The following ZNF479 variants were observed in gnomAD, a reference collection of about 807,000 sequenced individuals.
ZNF479 encodes the protein KRAB zinc finger protein KR19.
A neutral mutation model predicts 14.7 loss-of-function variants in ZNF479; 15 were observed. The observed-to-expected ratio is 1.02, with a 90% CI of 0.68 to 1.57. ZNF479 has a LOEUF of 1.57. Among genes scored for constraint, ZNF479 ranks in the 40% most tolerant of loss-of-function variants. The pLI is 0.00. For missense variants in ZNF479, 506 were observed against 615.1 expected, an observed-to-expected ratio of 0.82 and a Z score of 1.88; for synonymous variants, 145 against 211.5, an observed-to-expected ratio of 0.69 and a Z score of 2.73.
In ZNF479 at chr7:57,122,762, G is replaced by A. The variant is rs1339646622; in HGVS notation, c.263-1610C>T. 5.3e-5 allele frequency among the ~76,000 whole-genome samples: 8 copies of A among 152,038 alleles called. No individual in the cohort carries two copies. The South Asian group carries it at 6.2e-4, about 12-fold the overall frequency. On this transcript the variant is annotated intron_variant, in intron 3 of 3. Coordinates refer to ENST00000319636, the MANE Select transcript of ZNF479 (RefSeq NM_001370129.2). ...ATAGACACATGAAAGCAAATGAGTC[G>A]ATTACTAGAATGAGACAAAGATTGA...
At chr7:57,122,752 C>A (rs138509173) in intron 3 of ZNF479, among the ~76,000 whole-genome samples, 1 of 152,118 alleles carries the variant, frequency 6.6e-6, no homozygotes, top group East Asian at 1.9e-4. Context: ...CACATGAAAG[C>A]AAATGAGTCG....
At chr7:57,125,694 C>A (rs183856582) in intron 3 of ZNF479, among the ~76,000 whole-genome samples, 43 of 151,952 alleles carry the variant, frequency 2.8e-4, no homozygotes, top group Non-Finnish European at 5.4e-4. Flanking sequence ...TAGAGTTTTT[C>A]AAAAATATGC....
In ZNF479 at chr7:57,120,067, A is replaced by T; in HGVS notation, c.1348T>A (p.Ser450Thr). The part of the protein sequence containing the change: ...EECGKAFSLS[S>T]TLTDHKRIHT... ...ATTCTCTTGTGGTCAGTGAGGGTTG[A>T]GGATAAGCTAAAGGCTTTGCCACAT... Residue 450 changes from serine (S) to threonine (T), a missense_variant, in exon 4 of 4, where the codon TCA becomes ACA. By Grantham distance (58) the Ser-to-Thr change is moderately conservative. Transcript: ENST00000319636. 6.2e-7 allele frequency: 1 copy of T among 1,613,814 alleles called. No individual in the cohort carries two copies.
At chr7:57,134,866 G>T (rs1402394666), upstream of ZNF479, among the ~76,000 whole-genome samples, 1 of 151,786 alleles carries the variant, frequency 6.6e-6, no homozygotes, top group Non-Finnish European at 1.5e-5. Flanking sequence ...GTAGAGATGG[G>T]GTTTCACCAT....
At chr7:57,128,748 A>C (rs1188400403) in intron 1 of ZNF479, among the ~76,000 whole-genome samples, 1 of 152,244 alleles carries the variant, frequency 6.6e-6, no homozygotes, top group Non-Finnish European at 1.5e-5. Context: ...CAAACTCATT[A>C]GGGATCAACA....
Position 57,126,593 on chromosome 7 carries a change from C to T in ZNF479, c.165G>A (p.Leu55=). The change falls in exon 2 of 4, where the codon CTG becomes CTA. Residue 55 remains leucine, a splice_region_variant and synonymous_variant. Coordinates refer to ENST00000319636, the MANE Select transcript of ZNF479 (RefSeq NM_001370129.2). ...MLENYRNLVS[L]GIAVSKPDLI... is the part of the protein sequence containing the mutation. ...ATTATGTACTGAAGTTATCCTCACCCAGGGAGACCAGGTTTCTGTAGTTCT... is the reference window on the plus strand; with the variant it reads ...ATTATGTACTGAAGTTATCCTCACCTAGGGAGACCAGGTTTCTGTAGTTCT... 4 of 1,612,882 alleles carry T rather than the reference C, an allele frequency of 2.5e-6. No individual in the cohort carries two copies. The highest frequency in any genetic ancestry group is 3.4e-6 in the Non-Finnish European group (4 of 1,179,698).
upstream of ZNF479, among the ~76,000 whole-genome samples, chr7:57,136,113 G>T (rs1370582974): frequency 1.3e-5 from 2 of 151,888 alleles, no homozygotes; most frequent in Non-Finnish European, 2.9e-5. Context: ...GCCAGGCATG[G>T]TGACTCACGC....
At chr7:57,127,267 C>A (rs1786215906) in intron 1 of ZNF479, among the ~76,000 whole-genome samples, 1 of 152,122 alleles carries the variant, frequency 6.6e-6, no homozygotes, top group African/African-American at 2.4e-5. Flanking sequence ...AGGTGATCCA[C>A]CCACCTCAGC....
upstream of ZNF479, among the ~76,000 whole-genome samples, chr7:57,136,365 C>T (rs192591355): frequency 1.1e-4 from 17 of 151,112 alleles, no homozygotes; most frequent in African/African-American, 3.9e-4. Context: ...GCCTGGGAGA[C>T]AGAGCAAGAC....
rs782101982 is a variant in ZNF479, at chr7:57,120,791, A to G, written c.624T>C (p.Thr208=). 4 of 1,612,192 alleles carry G rather than the reference A, an allele frequency of 2.5e-6. No individual in the cohort carries two copies. Among genetic ancestry groups the G allele is most frequent in the Non-Finnish European group, 2.5e-6 (3 of 1,179,018 alleles). ...CTTTGCATTTGTAGGACTTCTCCCT[A>G]GTATGAATTACCTGATGTTGATTTA... ...SHLNQHQVIH[T]REKSYKCKEC... is the part of the protein sequence containing the mutation. The change falls in exon 4 of 4, where the codon ACT becomes ACC. Residue 208 remains threonine, a synonymous_variant. Transcript: ENST00000319636.
Position 57,120,247 on chromosome 7 carries a change from A to C in ZNF479, c.1168T>G (p.Phe390Val), listed in dbSNP as rs1554399956. Reference sequence around the variant, plus strand: ...ATAGTAAGTGCTGAGGAGCGCCTAAAGTCTTGGCCACATTCTTCACATGTG... The same window carrying C: ...ATAGTAAGTGCTGAGGAGCGCCTAACGTCTTGGCCACATTCTTCACATGTG... ...PYTCEECGQD[F>V]RRSSALTIHK... The change falls in exon 4 of 4, where the codon TTT becomes GTT. Residue 390 changes from phenylalanine (F) to valine (V), a missense_variant. Phe to Val is a conservative substitution (Grantham distance 50). Transcript: ENST00000319636. The C allele has an allele frequency of 6.2e-7, 1 of 1,612,510 alleles. No individual in the cohort carries two copies. Among genetic ancestry groups the C allele is most frequent in the Non-Finnish European group, 8.5e-7 (1 of 1,179,634 alleles).
intron 1 of ZNF479, among the ~76,000 whole-genome samples, chr7:57,138,807 A>G (rs983286946): frequency 2.0e-5 from 3 of 152,162 alleles, no homozygotes; most frequent in African/African-American, 4.8e-5. Flanking sequence ...TGTCACCTTT[A>G]TATAGGGAGA....
At chr7:57,134,382 T>C (rs924503683), upstream of ZNF479, among the ~76,000 whole-genome samples, 1 of 152,156 alleles carries the variant, frequency 6.6e-6, no homozygotes, top group Non-Finnish European at 1.5e-5. Context: ...ACCAGCGCCA[T>C]GACAGTTAAC....
At position 57,128,340 on chromosome 7, in the gene ZNF479, T is replaced by C. The variant is rs141837627; in HGVS notation, c.40-1622A>G. On this transcript the variant is annotated intron_variant, in intron 1 of 3. Coordinates refer to ENST00000319636, the MANE Select transcript of ZNF479 (RefSeq NM_001370129.2). ...TCAGTAATTTTAAGTAGTCTTTCCTTAGCACCCTGGAAAGCAAGTATCTCC... is the reference window on the plus strand; with the variant it reads ...TCAGTAATTTTAAGTAGTCTTTCCTCAGCACCCTGGAAAGCAAGTATCTCC... 1.4e-3 allele frequency among the ~76,000 whole-genome samples: 213 copies of C among 152,320 alleles called. 1 individual carries two copies. The highest frequency in any genetic ancestry group is 4.6e-3 in the African/African-American group (193 of 41,582).
chr7:57,134,823 C>T (rs1163503515), upstream of ZNF479, among the ~76,000 whole-genome samples: 16 of 151,912 alleles, frequency 1.1e-4, no homozygotes, highest in African/African-American at 3.4e-4. Flanking sequence ...TACAGGCATG[C>T]GCCACCATGC....
rs782564375 is a variant in ZNF479 at position 57,120,576 on chromosome 7, C to T, written c.839G>A (p.Arg280His). 2.0e-5 allele frequency: 32 copies of T among 1,611,252 alleles called. No individual in the cohort carries two copies. The highest frequency in any genetic ancestry group is 1.7e-4 in the Middle Eastern group (1 of 6,050). Reference sequence around the variant, plus strand: ...CTTGTGGTTAGTAAGTGCTGAGGAGCGCCTAAAGGCTTGGCCACATTCTTC... The same window carrying T: ...CTTGTGGTTAGTAAGTGCTGAGGAGTGCCTAAAGGCTTGGCCACATTCTTC... ...TCEECGQAFR[R>H]SSALTNHKRI... The change falls in exon 4 of 4, where the codon CGC becomes CAC. Residue 280 changes from arginine (R) to histidine (H), a missense_variant. Transcript: ENST00000319636.
Position 57,119,809 on chromosome 7 carries a change from A to AT in ZNF479, c.*30dup. The AT allele has an allele frequency of 1.3e-6, 2 of 1,563,942 alleles. No homozygotes were observed. The highest frequency in any genetic ancestry group is 1.7e-6 in the Non-Finnish European group (2 of 1,147,070). ...TTTTCCAGTGTAAATTATTTTATGT[A>AT]TTATAAGGCCTGAGGGTGGACTTTG... On this transcript the variant is annotated 3_prime_UTR_variant, in exon 4 of 4. Transcript: ENST00000319636.
chr7:57,119,296 A>G lies in ZNF479; in HGVS notation c.*544T>C, dbSNP rs1785800260. ...GATCAGATAATATGTAAGGCCTGAG[A>G]TGTGCTTAAAGGTTTTGTCACTTTT... On this transcript the variant is annotated 3_prime_UTR_variant, in exon 4 of 4. Coordinates refer to ENST00000319636, the MANE Select transcript of ZNF479 (RefSeq NM_001370129.2). 2.6e-5 allele frequency among the ~76,000 whole-genome samples: 4 copies of G among 152,174 alleles called. No individual in the cohort carries two copies. Among genetic ancestry groups the G allele is most frequent in the Admixed American group, 2.0e-4 (3 of 15,276 alleles).
At chr7:57,125,664 A>C (rs1269745200) in intron 3 of ZNF479, among the ~76,000 whole-genome samples, 2 of 27,534 alleles carry the variant, frequency 7.3e-5, no homozygotes, top group African/African-American at 1.2e-4. Flanking sequence ...GACATGATGC[A>C]AAAAAAAATT....
Sources: gnomAD v4.1 joint callset for allele counts (sites outside exome capture counted in the v4.1 genomes callset) on GRCh38, gnomAD v4.1.1 for gene constraint, MANE v1.5 for transcripts, NCBI Gene and HGNC (gene_info 2026-07-23, HGNC 2026-07-21) for gene names.